The following GRIN2B variants were observed in gnomAD, a reference collection of about 807,000 sequenced individuals.
GRIN2B encodes glutamate ionotropic receptor NMDA type subunit 2B, also known as glutamate receptor ionotropic, NMDA 2B.
Under a neutral mutation model 114.5 loss-of-function variants are expected in GRIN2B, and 5 were observed. The observed-to-expected ratio is 0.04, with a 90% confidence interval of 0.02 to 0.09. The LOEUF (loss-of-function observed/expected upper bound fraction) is 0.09. Among genes scored for constraint, GRIN2B ranks in the 10% least tolerant of loss-of-function variants. The pLI is 1.00. For missense variants in GRIN2B, 1,108 were observed against 1,943.5 expected (o/e 0.57, Z 8.08); for synonymous variants, 787 against 745.1 (o/e 1.06, Z -0.92).
At chr12:13,971,684 G>C (rs1423872056) in intron 2 of GRIN2B, among the ~76,000 whole-genome samples, 2 of 152,142 alleles carry the variant, frequency 1.3e-5, no homozygotes, top group Non-Finnish European at 2.9e-5. Context: ...CCGAAATGAG[G>C]TTTTTTCTCC....
In GRIN2B at chr12:13,569,814, C is replaced by G. The variant is rs781365670; in HGVS notation, c.2359+16G>C. On this transcript the variant is annotated intron_variant, in intron 12 of 13. Coordinates refer to ENST00000609686, the MANE Select transcript of GRIN2B (RefSeq NM_000834.5). ...CAGTAGAGGACAAATGGGCACTTTC[C>G]CTTTCTTGAACTCACCATCTCCAAA... is the stretch of plus-strand genomic sequence containing the variant. The G allele has an allele frequency of 3.2e-6, 5 of 1,548,760 alleles. No homozygotes were observed. The Admixed American group carries it at 9.1e-5, about 28-fold the overall frequency.
intron 3 of GRIN2B, among the ~76,000 whole-genome samples, chr12:13,764,075 G>A (rs540510732): frequency 6.6e-6 from 1 of 151,258 alleles, no homozygotes; most frequent in East Asian, 1.9e-4. Context: ...TAGGATGGAT[G>A]CCCAGCTCCT....
At chr12:13,716,220 C>T (rs1223344441) in intron 4 of GRIN2B, among the ~76,000 whole-genome samples, 2 of 151,772 alleles carry the variant, frequency 1.3e-5, no homozygotes, top group African/African-American at 4.8e-5. Context: ...TAATAAATGT[C>T]CATTGATTAA....
rs565897730 is a variant in GRIN2B, at chr12:13,539,648, T to G, written c.*23135A>C. The G allele has an allele frequency of 6.6e-6, 1 of 152,298 alleles. No individual in the cohort carries two copies. The highest frequency in any genetic ancestry group is 2.1e-4 in the South Asian group (1 of 4,818). The allele number at this position is 152,298 out of a possible 1,614,324, so 9.4% of individuals were successfully genotyped here. A position where few individuals can be genotyped will look rare whatever the true frequency, so the allele number is the denominator to read the frequency against. ...GTAAAACAATTACCAATTTACATTG[T>G]CTTCATTAATATTGGGAAGAACCAG... is the stretch of plus-strand genomic sequence containing the variant. On this transcript the variant is annotated 3_prime_UTR_variant, in exon 14 of 14. Transcript: ENST00000609686.
At chr12:13,902,609 G>A (rs185846975) in intron 2 of GRIN2B, among the ~76,000 whole-genome samples, 24 of 152,176 alleles carry the variant, frequency 1.6e-4, no homozygotes, top group Admixed American at 9.2e-4. Flanking sequence ...TCGAGAATTC[G>A]AGACCAGCCT....
At position 13,811,936 on chromosome 12, in the gene GRIN2B, G is replaced by A. The variant is rs150326370; in HGVS notation, c.411+53862C>T. The stretch of plus-strand genomic sequence containing the variant: ...TATGAATGGGCCTCAAGGGATCCTT[G>A]AATTCCCTGAAACTGCATGCAGCAT... On this transcript the variant is annotated intron_variant, in intron 3 of 13. Coordinates refer to ENST00000609686, the MANE Select transcript of GRIN2B (RefSeq NM_000834.5). Among the ~76,000 whole-genome samples the A allele has an allele frequency of 4.7e-3, 717 of 152,276 alleles. 3 individuals carry two copies. The highest frequency in any genetic ancestry group is 0.012 in the South Asian group (57 of 4,826).
At chr12:13,623,404 T>C (rs1205266363) in intron 5 of GRIN2B, among the ~76,000 whole-genome samples, 2 of 152,212 alleles carry the variant, frequency 1.3e-5, no homozygotes, top group Non-Finnish European at 2.9e-5. Context: ...ACAATTGAAA[T>C]TCCTATCAGC....
At chr12:13,600,073 T>C (rs1233671288) in intron 10 of GRIN2B, among the ~76,000 whole-genome samples, 4 of 152,208 alleles carry the variant, frequency 2.6e-5, no homozygotes, top group Non-Finnish European at 5.9e-5. Context: ...CTAGTTTGCA[T>C]AGTTGCATTA....
At chr12:13,606,843 A>G (rs1392072527) in intron 10 of GRIN2B, among the ~76,000 whole-genome samples, 1 of 152,118 alleles carries the variant, frequency 6.6e-6, no homozygotes, top group African/African-American at 2.4e-5. Context: ...ATATATAAAT[A>G]AATGTATCAT....
At chr12:13,776,968 G>GGGC (rs1157398906) in intron 3 of GRIN2B, among the ~76,000 whole-genome samples, 1 of 152,130 alleles carries the variant, frequency 6.6e-6, no homozygotes, top group African/African-American at 2.4e-5. Flanking sequence ...ATGCAGGCAG[G>GGGC]AGAGATTAAT....
intron 2 of GRIN2B, among the ~76,000 whole-genome samples, chr12:13,979,196 A>G (rs1309345960): frequency 6.6e-6 from 1 of 152,214 alleles, no homozygotes; most frequent in African/African-American, 2.4e-5. Context: ...ATAATAGCAC[A>G]GGAAAAAATA....
chr12:13,802,296 T>C (rs1290714233), intron 3 of GRIN2B, among the ~76,000 whole-genome samples: 1 of 151,858 alleles, frequency 6.6e-6, no homozygotes, highest in African/African-American at 2.4e-5. Flanking sequence ...AAATAGAAAT[T>C]TAAGCACAAA....
At chr12:13,973,657 A>T (rs1201915028) in intron 2 of GRIN2B, among the ~76,000 whole-genome samples, 1 of 152,196 alleles carries the variant, frequency 6.6e-6, no homozygotes, top group Non-Finnish European at 1.5e-5. Context: ...CTCTTAGGTC[A>T]GTCAATGGTG....
chr12:13,907,681 T>G (rs1866564684), intron 2 of GRIN2B, among the ~76,000 whole-genome samples: 1 of 152,176 alleles, frequency 6.6e-6, no homozygotes, highest in Non-Finnish European at 1.5e-5. Flanking sequence ...ATGTTTTATA[T>G]TTTTATCTGT....
chr12:13,712,819 T>C (rs1239222726), intron 4 of GRIN2B, among the ~76,000 whole-genome samples: 1 of 151,922 alleles, frequency 6.6e-6, no homozygotes, highest in Non-Finnish European at 1.5e-5. Flanking sequence ...TCAATATCTC[T>C]CTCCCAAGTT....
At chr12:13,861,947 A>G (rs1017382544) in intron 3 of GRIN2B, among the ~76,000 whole-genome samples, 4 of 152,088 alleles carry the variant, frequency 2.6e-5, no homozygotes, top group African/African-American at 9.7e-5. Flanking sequence ...ACCTCATTTA[A>G]TCCTCGACAA....
intron 9 of GRIN2B, among the ~76,000 whole-genome samples, chr12:13,611,364 A>G (rs1949363670): frequency 6.6e-6 from 1 of 152,228 alleles, no homozygotes; most frequent in Admixed American, 6.5e-5. Context: ...ACATGTGTGT[A>G]CAATCTGCCT....
At chr12:13,974,396 G>A (rs749231106) in intron 2 of GRIN2B, among the ~76,000 whole-genome samples, 1 of 152,128 alleles carries the variant, frequency 6.6e-6, no homozygotes. Flanking sequence ...CTTTTAAGAC[G>A]ACCCTGGCTT....
chr12:13,859,310 C>T (rs557686209), intron 3 of GRIN2B, among the ~76,000 whole-genome samples: 212 of 152,300 alleles, frequency 1.4e-3, no homozygotes, highest in Middle Eastern at 3.4e-3. Context: ...TGTTACTTTC[C>T]AGCACCAAGT....
Sources: gnomAD v4.1 joint callset for allele counts (sites outside exome capture counted in the v4.1 genomes callset) on GRCh38, gnomAD v4.1.1 for gene constraint, MANE v1.5 for transcripts, NCBI Gene and HGNC (gene_info 2026-07-23, HGNC 2026-07-21) for gene names.